Variants in MLXIPL observed in about 807,000 individuals in gnomAD.
MLXIPL encodes carbohydrate-responsive element-binding protein.
A neutral mutation model predicts 81.5 loss-of-function variants in MLXIPL; 49 were observed. The observed-to-expected ratio is 0.60, with a 90% confidence interval of 0.48 to 0.76. MLXIPL has a LOEUF of 0.76. Ranked by LOEUF, MLXIPL falls within the 30% of genes least tolerant of loss-of-function variation. The pLI is 0.00. For missense variants in MLXIPL, 1,053 were observed against 1,167.0 expected (o/e 0.90, Z 1.42); for synonymous variants, 466 against 485.5 (o/e 0.96, Z 0.53).
At chr7:73,594,848 T>C (rs1419638777) in intron 15 of MLXIPL, among the ~76,000 whole-genome samples, 1 of 1,380 alleles carries the variant, frequency 7.2e-4, no homozygotes, top group Non-Finnish European at 1.1e-3. Flanking sequence ...TGCTCGGACT[T>C]TTTTTTTTTT....
intron 1 of MLXIPL, among the ~76,000 whole-genome samples, chr7:73,616,904 G>C (rs1361088141): frequency 1.3e-5 from 2 of 151,978 alleles, no homozygotes; most frequent in Non-Finnish European, 2.9e-5. Context: ...AAAGGGGCAG[G>C]TCCGAGGTCA....
intron 1 of MLXIPL, among the ~76,000 whole-genome samples, chr7:73,622,540 G>C (rs1172604375): frequency 6.7e-6 from 1 of 150,246 alleles, no homozygotes; most frequent in Non-Finnish European, 1.5e-5. Flanking sequence ...TTCTCAGTAT[G>C]TTGCCCAGGC....
chr7:73,616,799 G>C (rs1796030350), intron 1 of MLXIPL, among the ~76,000 whole-genome samples: 1 of 135,490 alleles, frequency 7.4e-6, no homozygotes, highest in African/African-American at 2.8e-5. Context: ...AGTGAGCTGA[G>C]ATCACACCGT....
intron 8 of MLXIPL, 35 bp from the exon 9 acceptor site, chr7:73,597,748 G>T: frequency 7.6e-7 from 1 of 1,322,094 alleles, no homozygotes; most frequent in Non-Finnish European, 9.6e-7. Flanking sequence ...TCAGAGAGCA[G>T]GGGAGAGAGC....
At chr7:73,631,910 TTC>T in the MLXIPL span, among the ~76,000 whole-genome samples, 1 of 145,280 alleles carries the variant, frequency 6.9e-6, no homozygotes, top group African/African-American at 2.6e-5. Context: ...GTCTTTTCTT[TTC>T]TTTCCCCTCC....
chr7:73,612,590 CGAGAGCACA>C (rs1584129518), intron 2 of MLXIPL, among the ~76,000 whole-genome samples: 1 of 148,904 alleles, frequency 6.7e-6, no homozygotes, highest in Non-Finnish European at 1.5e-5. Flanking sequence ...TGCAGTGAGT[CGAGAGCACA>C]CCATTGCACT....
In MLXIPL at chr7:73,607,402, T is replaced by C. The variant is rs1795376516; in HGVS notation, c.502A>G (p.Asn168Asp). Residue 168 changes from asparagine (N) to aspartate (D), a missense_variant, in exon 4 of 17, where the codon AAC becomes GAC. Physicochemically the swap from Asn to Asp is conservative, Grantham distance 23. Transcript: ENST00000313375. ...RKPEAVVLEG[N>D]YWKRRIEVVM... ...ACCTCGATGCGCCGCTTCCAGTAGT[T>C]CCCCTCCAGGACCACGGCCTGGGGT... 1.9e-6 allele frequency: 3 copies of C among 1,559,222 alleles called. No individual in the cohort carries two copies. The South Asian group carries it at 3.5e-5, about 18-fold the overall frequency.
rs1372628001 is a variant in MLXIPL at position 73,594,411 on chromosome 7, C to A, written c.2311-8G>T. ...CCGGATGAGGATGCTGAACTGGGCC[C>A]AGGTCAAGGAGCTGCCTGTGGTCCA... On this transcript the variant is annotated splice_polypyrimidine_tract_variant and splice_region_variant and intron_variant, in intron 15 of 16. Transcript: ENST00000313375. The A allele has an allele frequency of 6.2e-7, 1 of 1,600,824 alleles. No homozygotes were observed. The highest frequency in any genetic ancestry group is 1.3e-5 in the African/African-American group (1 of 74,904).
intron 7 of MLXIPL, among the ~76,000 whole-genome samples, chr7:73,602,180 CTCTT>C (rs1300218141): frequency 8.8e-5 from 13 of 147,984 alleles, no homozygotes; most frequent in Non-Finnish European, 1.5e-4. Flanking sequence ...TTCCCTCTCT[CTCTT>C]TCTTTCATCT....
intron 8 of MLXIPL, among the ~76,000 whole-genome samples, chr7:73,598,681 G>A (rs1461439843): frequency 4.6e-5 from 7 of 152,200 alleles, no homozygotes; most frequent in African/African-American, 1.7e-4. Flanking sequence ...GAATGCAGTG[G>A]TGAGCAAAAC....
intron 1 of MLXIPL, among the ~76,000 whole-genome samples, chr7:73,622,492 A>C: frequency 6.6e-6 from 1 of 151,584 alleles, no homozygotes; most frequent in East Asian, 1.9e-4. Context: ...TCTGTCTCAA[A>C]AAAAAAAAAA....
At chr7:73,612,745 G>A (rs1175979300) in intron 2 of MLXIPL, among the ~76,000 whole-genome samples, 2 of 151,976 alleles carry the variant, frequency 1.3e-5, no homozygotes, top group African/African-American at 2.4e-5. Flanking sequence ...TGTTTCTCAT[G>A]GAAAGGCTGT....
chr7:73,624,104 T>G (rs1584162306), intron 1 of MLXIPL, 96 bp downstream of exon 1: 5 of 1,419,948 alleles, frequency 3.5e-6, no homozygotes, highest in Admixed American at 2.7e-5. Flanking sequence ...CGGGCTCGGG[T>G]GGGGTGTTGA....
chr7:73,638,516 A>C, the MLXIPL span, among the ~76,000 whole-genome samples: 1 of 152,160 alleles, frequency 6.6e-6, no homozygotes. Flanking sequence ...TCTTGACCTC[A>C]GGTGATCTGC....
intron 1 of MLXIPL, among the ~76,000 whole-genome samples, chr7:73,618,099 A>G: frequency 6.6e-6 from 1 of 151,838 alleles, no homozygotes; most frequent in African/African-American, 2.4e-5. Context: ...AGTCTTAGCC[A>G]TTTTTTCATT....
rs1795221471 is a variant in MLXIPL at position 73,605,748 on chromosome 7, T to C, written c.841A>G (p.Met281Val). Residue 281 changes from methionine (M) to valine (V), a missense_variant, in exon 7 of 17, where the codon ATG (methionine) becomes GTG (valine). Physicochemically the swap from Met to Val is conservative, Grantham distance 21. Around this residue, in one of 3 missense-constraint regions of MLXIPL, gnomAD observed 823 missense variants for 933.0 expected, o/e 0.88. Coordinates refer to ENST00000313375, the MANE Select transcript of MLXIPL (RefSeq NM_032951.3). ...PEDAYVGNAD[M>V]IQPDLTPLQP... The stretch of plus-strand genomic sequence containing the variant: ...AGTGGCGTCAGGTCCGGCTGGATCA[T>C]GTCAGCATTGCCGACGTAGGCTGGA... 1.2e-6 allele frequency: 2 copies of C among 1,613,608 alleles called. No individual in the cohort carries two copies. The highest frequency in any genetic ancestry group is 1.1e-5 in the South Asian group (1 of 91,040).
At chr7:73,595,322 C>T (rs1554593271) in intron 15 of MLXIPL, among the ~76,000 whole-genome samples, 1 of 152,166 alleles carries the variant, frequency 6.6e-6, no homozygotes, top group East Asian at 1.9e-4. Context: ...GATTCCAAGT[C>T]TTCTGTAGTC....
chr7:73,633,080 C>T, the MLXIPL span, among the ~76,000 whole-genome samples: 1 of 135,278 alleles, frequency 7.4e-6, no homozygotes, highest in Admixed American at 7.6e-5. Context: ...CCCACCCTAC[C>T]TTTTTTTTTT....
the MLXIPL span, among the ~76,000 whole-genome samples, chr7:73,631,558 C>CTTTTTTTTT: frequency 2.0e-4 from 14 of 69,668 alleles, 3 homozygotes; most frequent in African/African-American, 4.0e-4. Flanking sequence ...GATGTTGCTA[C>CTTTTTTTTT]TTTTTTTTTT....
Sources: allele counts gnomAD v4.1 joint callset (sites outside exome capture counted in the v4.1 genomes callset), GRCh38; gene constraint gnomAD v4.1.1; regional missense constraint gnomAD v4.1.1; transcripts MANE v1.5; gene names NCBI Gene and HGNC (gene_info 2026-07-23, HGNC 2026-07-21).